SAMD11: variants seen among roughly 807,000 people sequenced by gnomAD.
The protein encoded by SAMD11 is sterile alpha motif domain-containing protein 11.
A neutral mutation model predicts 64.4 loss-of-function variants in SAMD11; 77 were observed. The ratio of observed to expected loss-of-function variants is 1.20; its 90% CI spans 0.99 to 1.44. The LOEUF (loss-of-function observed/expected upper bound fraction) is 1.44, where lower values mean the gene tolerates loss of function less well. SAMD11 is among the 40% of genes most tolerant of loss of function. The probability of loss-of-function intolerance (pLI) is 0.00; values close to 1 mark genes in which losing one functional copy is unlikely to be tolerated. For missense variants in SAMD11, 1,402 were observed against 943.3 expected (o/e 1.49, Z -6.37); for synonymous variants, 658 against 421.9 (o/e 1.56, Z -6.86).
intron 4 of SAMD11, among the ~76,000 whole-genome samples, chr1:935,194 G>A (rs984491060): frequency 6.6e-6 from 1 of 152,158 alleles, no homozygotes; most frequent in Non-Finnish European, 1.5e-5. Context: ...CCCGCCTGCC[G>A]GGGGGACAGC....
Position 941,326 on chromosome 1 carries a change from T to C in SAMD11, c.1358+20T>C, listed in dbSNP as rs537599944. On this transcript the variant is annotated intron_variant, in intron 8 of 13. Coordinates refer to ENST00000616016, the MANE Select transcript of SAMD11 (RefSeq NM_001385641.1). ...GGAGAGGTACTGGGGTGGCTGCCGT[T>C]CTCTGCTTGTTTCTGGGGTGCCGCC... 6.0e-5 allele frequency: 91 copies of C among 1,528,058 alleles called. 1 individual carries two copies. The East Asian group carries it at 2.1e-3, about 35-fold the overall frequency. The allele number at this position is 1,528,058 out of a possible 1,614,324, so 94.7% of individuals were successfully genotyped here. A position where few individuals can be genotyped will look rare whatever the true frequency, so the allele number is the denominator to read the frequency against.
intron 12 of SAMD11, 146 bp downstream of exon 12, chr1:943,523 CACCTTTTT>C: frequency 2.4e-5 from 21 of 872,440 alleles, no homozygotes; most frequent in South Asian, 5.8e-5. Context: ...CTGTGCACCC[CACCTTTTT>C]TTTTTTTTTT....
In SAMD11 at chr1:941,141, C is replaced by T; in HGVS notation, c.1196-3C>T. The T allele has an allele frequency of 6.3e-7, 1 of 1,595,930 alleles. No homozygotes were observed. The highest frequency in any genetic ancestry group is 8.5e-7 in the Non-Finnish European group (1 of 1,172,300). Reference sequence around the variant, plus strand: ...GGGATCACTGCTGTTGTCCCCCACCCAGATCTCCTGAGGGTCCGGCAGGAG... The same window carrying T: ...GGGATCACTGCTGTTGTCCCCCACCTAGATCTCCTGAGGGTCCGGCAGGAG... On this transcript the variant is annotated splice_polypyrimidine_tract_variant and splice_region_variant and intron_variant, in intron 7 of 13. Transcript: ENST00000616016.
chr1:930,253 C>G lies in SAMD11; in HGVS notation c.708C>G (p.Asp236Glu). 1 of 1,606,184 alleles carries G rather than the reference C, an allele frequency of 6.2e-7. No homozygotes were observed. The highest frequency in any genetic ancestry group is 2.2e-5 in the East Asian group (1 of 44,606). The change falls in exon 3 of 14, where the codon GAC becomes GAG. Residue 236 changes from aspartate (D) to glutamate (E), a missense_variant. Physicochemically the swap from Asp to Glu is conservative, Grantham distance 45. Transcript: ENST00000616016. ...RTPSFSASDG[D>E]SDGSGPTCGR... is the part of the protein sequence containing the mutation. ...CCAGCTTCTCTGCCAGCGATGGTGACAGCGACGGGAGTGGCCCCACCTGTG... is the reference window on the plus strand; with the variant it reads ...CCAGCTTCTCTGCCAGCGATGGTGAGAGCGACGGGAGTGGCCCCACCTGTG...
chr1:941,441 C>A, intron 8 of SAMD11, 135 bp downstream of exon 8: 1 of 913,378 alleles, frequency 1.1e-6, no homozygotes, highest in Non-Finnish European at 1.6e-6. Context: ...CAGAGCGTTT[C>A]GGGGGTGACA....
Position 942,044 on chromosome 1 carries a change from C to T in SAMD11, c.1359-92C>T, listed in dbSNP as rs932704593. 5 of 447,264 alleles carry T rather than the reference C, an allele frequency of 1.1e-5. No individual in the cohort carries two copies. The South Asian group carries it at 1.7e-4, about 15-fold the overall frequency. The allele number at this position is 447,264 out of a possible 1,614,324, so 27.7% of individuals were successfully genotyped here. A position where few individuals can be genotyped will look rare whatever the true frequency, so the allele number is the denominator to read the frequency against. On this transcript the variant is annotated intron_variant, in intron 8 of 13. Coordinates refer to ENST00000616016, the MANE Select transcript of SAMD11 (RefSeq NM_001385641.1). ...GCTGCGCATCGACCGCCCGCGGGGC[C>T]GGCAATTAGCGGAGGCGGCGGGGGA...
chr1:930,058 C>G, intron 2 of SAMD11, 97 bp from the exon 3 acceptor site: 1 of 1,397,488 alleles, frequency 7.2e-7, no homozygotes, highest in Non-Finnish European at 9.7e-7. Context: ...GGCAGACCCC[C>G]GGGAGATGGA....
chr1:927,077 G>A (rs1233093579), intron 2 of SAMD11, among the ~76,000 whole-genome samples: 1 of 152,154 alleles, frequency 6.6e-6, no homozygotes, highest in Non-Finnish European at 1.5e-5. Flanking sequence ...TTGGGCAGGG[G>A]AAGGGGACAC....
Position 943,763 on chromosome 1 carries a change from C to G in SAMD11, c.2244C>G (p.Thr748=), listed in dbSNP as rs1462647952. 6.2e-7 allele frequency: 1 copy of G among 1,611,576 alleles called. No homozygotes were observed. Among genetic ancestry groups the G allele is most frequent in the African/African-American group, 1.3e-5 (1 of 74,836 alleles). Residue 748 remains threonine, a synonymous_variant, in exon 13 of 14, where the codon ACC becomes ACG. Transcript: ENST00000616016. ...LPLLTEEHLL[T]NMGLKLGPAL... Reference sequence around the variant, plus strand: ...TGCTGACGGAGGAGCACCTGCTGACCAACATGGGGCTGAAGCTGGGGCCCG... The same window carrying G: ...TGCTGACGGAGGAGCACCTGCTGACGAACATGGGGCTGAAGCTGGGGCCCG...
intron 12 of SAMD11, 128 bp from the exon 13 acceptor site, chr1:943,570 A>G (rs1456862864): frequency 1.0e-6 from 1 of 954,824 alleles, no homozygotes; most frequent in South Asian, 2.4e-5. Context: ...TCTGCCTGAC[A>G]CTCAAACCCA....
chr1:930,320 C>A lies in SAMD11; in HGVS notation c.775C>A (p.Arg259Ser). 2 of 1,605,256 alleles carry A rather than the reference C, an allele frequency of 1.2e-6. No homozygotes were observed. Among genetic ancestry groups the A allele is most frequent in the East Asian group, 4.5e-5 (2 of 44,524 alleles). Residue 259 changes from arginine to serine, a missense_variant, in exon 3 of 14, where the codon CGT becomes AGT. Transcript: ENST00000616016. ...GLKQEDGPHI[R>S]IMKRRVHTHW... is the part of the protein sequence containing the mutation. ...GAAGCAGGAGGATGGTCCGCACATC[C>A]GTATCATGAAGAGAAGGTACTTGGA...
At position 942,822 on chromosome 1, in the gene SAMD11, G is replaced by A. The variant is rs376745814; in HGVS notation, c.1817G>A (p.Arg606Gln). The A allele has an allele frequency of 5.2e-6, 8 of 1,548,634 alleles. No homozygotes were observed. Among genetic ancestry groups the A allele is most frequent in the East Asian group, 4.9e-5 (2 of 40,730 alleles). The change falls in exon 11 of 14, where the codon CGG (arginine) becomes CAG (glutamine). Residue 606 changes from arginine (R) to glutamine (Q), a missense_variant. By Grantham distance (43) the Arg-to-Gln change is conservative (BLOSUM62 1). Coordinates refer to ENST00000616016, the MANE Select transcript of SAMD11 (RefSeq NM_001385641.1). ...RKGGPGPASA[R>Q]PSESKEMTGA... Reference sequence around the variant, plus strand: ...GGGGGTCCCGGCCCTGCCTCAGCGCGGCCCAGCGAGTCCAAGGAGATGACG... The same window carrying A: ...GGGGGTCCCGGCCCTGCCTCAGCGCAGCCCAGCGAGTCCAAGGAGATGACG...
Position 943,280 on chromosome 1 carries a change from GGGA to G in SAMD11, c.2087_2089del (p.Glu696del), listed in dbSNP as rs779142409. The G allele has an allele frequency of 3.5e-5, 56 of 1,612,664 alleles. No individual in the cohort carries two copies. The highest frequency in any genetic ancestry group is 4.2e-5 in the Non-Finnish European group (50 of 1,179,844). On this transcript the variant is annotated inframe_deletion, in exon 12 of 14. Transcript: ENST00000616016. The stretch of plus-strand genomic sequence containing the variant: ...GCGGTAGGGGGACTCTCCATGGATG[GGGA>G]GGAGGCCCCAGCCCCTGAGGACGTC...
At chr1:933,643 G>C (rs1641271657) in intron 4 of SAMD11, among the ~76,000 whole-genome samples, 2 of 152,204 alleles carry the variant, frequency 1.3e-5, no homozygotes, top group Admixed American at 6.5e-5. Context: ...GTCCTCTCCT[G>C]ACACCCCCGC....
intron 7 of SAMD11, among the ~76,000 whole-genome samples, chr1:940,117 A>G (rs1641666205): frequency 6.6e-6 from 1 of 152,132 alleles, no homozygotes; most frequent in African/African-American, 2.4e-5. Context: ...TCCTCACACC[A>G]GGCACCGTCC....
At chr1:942,278 G>A (rs974326984) in intron 9 of SAMD11, 27 bp downstream of exon 9, 4 of 1,060,056 alleles carry the variant, frequency 3.8e-6, no homozygotes, top group African/African-American at 3.3e-5. Flanking sequence ...GCATCCCCTG[G>A]GAGCCCGCGT....
chr1:926,567 C>T (rs182526800), intron 2 of SAMD11, among the ~76,000 whole-genome samples: 173 of 152,264 alleles, frequency 1.1e-3, no homozygotes, highest in African/African-American at 3.9e-3. Flanking sequence ...CAGTGTGGGC[C>T]TTTGGTGTCC....
At chr1:932,003 G>A (rs1242423877) in intron 4 of SAMD11, among the ~76,000 whole-genome samples, 1 of 152,240 alleles carries the variant, frequency 6.6e-6, no homozygotes, top group Non-Finnish European at 1.5e-5. Flanking sequence ...GGCCAGAGCC[G>A]TGAAGGCCCA....
chr1:941,438 T>C (rs1459155469), intron 8 of SAMD11, 132 bp downstream of exon 8: 6 of 947,898 alleles, frequency 6.3e-6, no homozygotes, highest in Non-Finnish European at 7.6e-6. Context: ...GGGCAGAGCG[T>C]TTCGGGGGTG....
Sources: allele counts gnomAD v4.1 joint callset (sites outside exome capture counted in the v4.1 genomes callset), GRCh38; gene constraint gnomAD v4.1.1; transcripts MANE v1.5; gene names NCBI Gene and HGNC (gene_info 2026-07-23, HGNC 2026-07-21).